MARK2: variants seen among roughly 807,000 people sequenced by gnomAD.
MARK2 encodes the protein serine/threonine-protein kinase MARK2.
Under a neutral mutation model 89.8 loss-of-function variants are expected in MARK2, and 16 were observed. The observed-to-expected ratio is 0.18, with a 90% confidence interval of 0.12 to 0.27. MARK2 has a LOEUF of 0.27. Ranked by LOEUF, MARK2 falls within the 10% of genes least tolerant of loss-of-function variation. The pLI is 1.00. For synonymous variants in MARK2, 382 were observed against 399.5 expected (o/e 0.96, Z 0.52); for missense variants, 621 against 1,049.9 (o/e 0.59, Z 5.65).
intron 1 of MARK2, among the ~76,000 whole-genome samples, chr11:63,893,133 C>T (rs1349081742): frequency 3.3e-5 from 5 of 151,004 alleles, no homozygotes; most frequent in African/African-American, 4.9e-5. Flanking sequence ...AGGCTGGTCT[C>T]GAACTCCTGA....
intron 1 of MARK2, among the ~76,000 whole-genome samples, chr11:63,850,755 G>A (rs1218458151): frequency 6.6e-6 from 1 of 152,152 alleles, no homozygotes; most frequent in East Asian, 1.9e-4. Context: ...AAGCCCTAGG[G>A]TGGTTCTCTG....
chr11:63,872,900 C>T (rs71454583), intron 1 of MARK2, among the ~76,000 whole-genome samples: 22 of 133,558 alleles, frequency 1.6e-4, no homozygotes, highest in Non-Finnish European at 9.7e-5. Flanking sequence ...CCCACCCCCA[C>T]CCCCACCCCC....
rs532810029 is a variant in MARK2 at position 63,880,972 on chromosome 11, T to C, written c.55-14187T>C. Among the ~76,000 whole-genome samples, 207 of 152,312 alleles carry C rather than the reference T, an allele frequency of 1.4e-3. 1 individual carries two copies. The highest frequency in any genetic ancestry group is 2.4e-3 in the Non-Finnish European group (164 of 68,022). ...GTGCACATTTATTAATTCAGTACTT[T>C]ACTGAATACTGTGCTGGGCATTGTT... is the stretch of plus-strand genomic sequence containing the variant. On this transcript the variant is annotated intron_variant, in intron 1 of 18. Coordinates refer to ENST00000402010, the MANE Select transcript of MARK2 (RefSeq NM_001039469.3).
chr11:63,884,179 G>A (rs964203267), intron 1 of MARK2, among the ~76,000 whole-genome samples: 3 of 152,174 alleles, frequency 2.0e-5, no homozygotes, highest in African/African-American at 2.4e-5. Context: ...GGGATTTAGC[G>A]ACCAGACCCC....
chr11:63,904,724 G>A lies in MARK2; in HGVS notation c.1677-62G>A, dbSNP rs1565147462. 1.7e-5 allele frequency: 26 copies of A among 1,509,434 alleles called. 1 individual carries two copies. In the South Asian group the frequency reaches 2.8e-4, roughly 16 times the overall value. The allele number at this position is 1,509,434 out of a possible 1,614,324, so 93.5% of individuals were successfully genotyped here. A position where few individuals can be genotyped will look rare whatever the true frequency, so the allele number is the denominator to read the frequency against. On this transcript the variant is annotated intron_variant, in intron 15 of 18. Coordinates refer to ENST00000402010, the MANE Select transcript of MARK2 (RefSeq NM_001039469.3). The surrounding 1 kb of genome is among the most constrained non-coding windows in gnomAD (Gnocchi z 6.3). ...TGTCCCCACCACAGGGTGTCCAGGTGCCCAGTGATGGCTGTCCTGTACCCT... is the reference window on the plus strand; with the variant it reads ...TGTCCCCACCACAGGGTGTCCAGGTACCCAGTGATGGCTGTCCTGTACCCT...
intron 1 of MARK2, chr11:63,889,077 A>G: frequency 1.4e-6 from 1 of 722,602 alleles, no homozygotes; most frequent in Non-Finnish European, 2.1e-6. Context: ...AGTCCAGCAT[A>G]GTAATATTCA....
At position 63,908,922 on chromosome 11, in the gene MARK2, A is replaced by C. The variant is rs753389992; in HGVS notation, c.2052A>C (p.Glu684Asp). Residue 684 changes from glutamate to aspartate, a missense_variant, in exon 19 of 19, where the codon GAA (glutamate) becomes GAC (aspartate). Transcript: ENST00000402010. ...GSGGNDKEKE[E>D]FREAKPRSLR... The stretch of plus-strand genomic sequence containing the variant: ...GCGGCAACGACAAAGAAAAGGAAGA[A>C]TTTCGGGAGGCCAAGCCCCGCTCCC... The C allele has an allele frequency of 1.3e-6, 2 of 1,509,968 alleles. No individual in the cohort carries two copies. Among genetic ancestry groups the C allele is most frequent in the Admixed American group, 4.0e-5 (2 of 49,734 alleles). The allele number at this position is 1,509,968 out of a possible 1,614,324, so 93.5% of individuals were successfully genotyped here. A position where few individuals can be genotyped will look rare whatever the true frequency, so the allele number is the denominator to read the frequency against.
chr11:63,872,090 G>T (rs750740455), intron 1 of MARK2, among the ~76,000 whole-genome samples: 24 of 152,218 alleles, frequency 1.6e-4, no homozygotes, highest in Non-Finnish European at 2.6e-4. Flanking sequence ...AGCCAGTGGA[G>T]GCTGATGGTA....
In MARK2 at chr11:63,903,902, C is replaced by A; in HGVS notation, c.1515-84C>A. 1 of 1,244,796 alleles carries A rather than the reference C, an allele frequency of 8.0e-7. No individual in the cohort carries two copies. Among genetic ancestry groups the A allele is most frequent in the Non-Finnish European group, 1.1e-6 (1 of 898,110 alleles). The allele number at this position is 1,244,796 out of a possible 1,614,324, so 77.1% of individuals were successfully genotyped here. ...CTGCCAGAGCTCCCCAGCTCTGGCC[C>A]TTCCCCTGCCCTTGCTTCCTAATCC... On this transcript the variant is annotated intron_variant, in intron 14 of 18. Transcript: ENST00000402010. The surrounding 1 kb of genome is among the most constrained non-coding windows in gnomAD (Gnocchi z 5.1).
At chr11:63,901,422 G>GGTGTGTGTGTGTAT (rs1554985350) in intron 11 of MARK2, among the ~76,000 whole-genome samples, 1 of 139,590 alleles carries the variant, frequency 7.2e-6, no homozygotes, top group Non-Finnish European at 1.5e-5. Context: ...TACATTTCTG[G>GGTGTGTGTGTGTAT]GTGTGTGTGT....
At chr11:63,870,267 G>A (rs192492595) in intron 1 of MARK2, among the ~76,000 whole-genome samples, 81 of 152,310 alleles carry the variant, frequency 5.3e-4, no homozygotes, top group African/African-American at 1.4e-3. Flanking sequence ...TGGAGACAGG[G>A]TCTTACAATA....
intron 1 of MARK2, among the ~76,000 whole-genome samples, chr11:63,874,752 G>T (rs969608016): frequency 6.6e-6 from 1 of 152,078 alleles, no homozygotes; most frequent in Admixed American, 6.5e-5. Flanking sequence ...ACATGACCTT[G>T]GTTATCTCTT....
rs532725120 is a variant in MARK2 at position 63,881,326 on chromosome 11, C to T, written c.55-13833C>T. Among the ~76,000 whole-genome samples the T allele has an allele frequency of 2.2e-4, 34 of 152,112 alleles. No homozygotes were observed. In the East Asian group the frequency reaches 3.9e-3, roughly 17 times the overall value. ...GTCTCAAAAAAAAATACCAAGGTCCCTCCTTTTGTAGTGTAGTCTAGCAGG... is the reference window on the plus strand; with the variant it reads ...GTCTCAAAAAAAAATACCAAGGTCCTTCCTTTTGTAGTGTAGTCTAGCAGG... On this transcript the variant is annotated intron_variant, in intron 1 of 18. Transcript: ENST00000402010.
intron 1 of MARK2, among the ~76,000 whole-genome samples, chr11:63,889,305 C>T (rs2135309420): frequency 6.6e-6 from 1 of 152,330 alleles, no homozygotes; most frequent in Non-Finnish European, 1.5e-5. Flanking sequence ...CCAAGGGACA[C>T]TTTTCTCCCC....
At chr11:63,889,902 G>A (rs1380687978) in intron 1 of MARK2, among the ~76,000 whole-genome samples, 3 of 152,196 alleles carry the variant, frequency 2.0e-5, no homozygotes, top group Admixed American at 6.5e-5. Flanking sequence ...GGTGTGCCAC[G>A]TCTTACTATA....
intron 1 of MARK2, among the ~76,000 whole-genome samples, chr11:63,872,299 C>T (rs1462941546): frequency 1.3e-5 from 2 of 152,188 alleles, no homozygotes; most frequent in African/African-American, 2.4e-5. Context: ...TTGCACAACA[C>T]AGCCAATGAG....
At chr11:63,867,739 C>T (rs1019178266) in intron 1 of MARK2, among the ~76,000 whole-genome samples, 1 of 152,316 alleles carries the variant, frequency 6.6e-6, no homozygotes, top group East Asian at 1.9e-4. Flanking sequence ...CCAGCACTGC[C>T]TAACTCTCAC....
At chr11:63,860,728 C>G (rs1354308843) in intron 1 of MARK2, among the ~76,000 whole-genome samples, 1 of 151,402 alleles carries the variant, frequency 6.6e-6, no homozygotes. Context: ...TATGGTGGCG[C>G]GTGCCTATAG....
In MARK2 at chr11:63,853,164, C is replaced by T. The variant is rs185388999; in HGVS notation, c.54+13604C>T. On this transcript the variant is annotated intron_variant, in intron 1 of 18. Coordinates refer to ENST00000402010, the MANE Select transcript of MARK2 (RefSeq NM_001039469.3). ...CTGTAATCCCAGCAGTTTGGGAGAC[C>T]GAGGCAGGTGGATCACCTGAGGTCA... Among the ~76,000 whole-genome samples, 16 of 151,880 alleles carry T rather than the reference C, an allele frequency of 1.1e-4. No individual in the cohort carries two copies. In the East Asian group the frequency reaches 2.3e-3, roughly 22 times the overall value.
Sources: allele counts gnomAD v4.1 joint callset (sites outside exome capture counted in the v4.1 genomes callset), GRCh38; gene constraint gnomAD v4.1.1; non-coding constraint Gnocchi (gnomAD v3.1); transcripts MANE v1.5; gene names NCBI Gene and HGNC (gene_info 2026-07-23, HGNC 2026-07-21).